Variants in CSF1R observed in about 807,000 individuals in gnomAD.
CSF1R encodes the protein macrophage colony-stimulating factor 1 receptor.
Under a neutral mutation model 110.0 loss-of-function variants are expected in CSF1R, and 40 were observed. The observed-to-expected ratio is 0.36, with a 90% confidence interval of 0.28 to 0.47. The LOEUF (loss-of-function observed/expected upper bound fraction) is 0.47, where lower values mean the gene tolerates loss of function less well. CSF1R is among the 20% of genes least tolerant of loss of function. The probability of loss-of-function intolerance (pLI) is 0.99; values close to 1 mark genes in which losing one functional copy is unlikely to be tolerated. For missense variants in CSF1R, 1,052 were observed against 1,253.0 expected (o/e 0.84, Z 2.42); for synonymous variants, 523 against 503.4 (o/e 1.04, Z -0.52).
chr5:150,072,807 T>C (rs954803063), intron 6 of CSF1R, among the ~76,000 whole-genome samples: 4 of 152,234 alleles, frequency 2.6e-5, no homozygotes, highest in African/African-American at 9.6e-5. Flanking sequence ...TGAGAAATTC[T>C]TGGGGCTGGG....
rs752638971 is a variant in CSF1R, at chr5:150,100,290, C to CT, written c.-181+12970dup. Among the ~76,000 whole-genome samples, 861 of 89,274 alleles carry CT rather than the reference C, an allele frequency of 9.6e-3. 27 individuals carry two copies. The highest frequency in any genetic ancestry group is 0.025 in the African/African-American group (549 of 21,552). The allele number at this position is 89,274 out of a possible 152,430, so 58.6% of individuals were successfully genotyped here. ...AGTGAACCTAAGATCATTGGCTAAC[C>CT]TTTTTTTTTTTTTTTTTTTTTTTCT... is the stretch of plus-strand genomic sequence containing the variant. On this transcript the variant is annotated intron_variant, in intron 1 of 21. Transcript: ENST00000286301.
Position 150,061,783 on chromosome 5 carries a change from C to A in CSF1R, c.1693G>T (p.Asp565Tyr). Residue 565 changes from aspartate to tyrosine, a missense_variant, in exon 11 of 21, where the codon GAC (aspartate) becomes TAC (tyrosine). Physicochemically the swap from Asp to Tyr is radical, Grantham distance 160 (BLOSUM62 -3). Transcript: ENST00000675795. ...SYEGNSYTFI[D>Y]PTQLPYNEKW... is the part of the protein sequence containing the mutation. ...TCGTTGTAAGGCAGCTGCGTGGGGT[C>A]GATGAAAGTATAACTGTTGCCCTCA... 1 of 1,614,152 alleles carries A rather than the reference C, an allele frequency of 6.2e-7. No homozygotes were observed. Among genetic ancestry groups the A allele is most frequent in the Non-Finnish European group, 8.5e-7 (1 of 1,180,046 alleles).
At chr5:150,060,490 C>T (rs888966024) in intron 13 of CSF1R, among the ~76,000 whole-genome samples, 1 of 152,042 alleles carries the variant, frequency 6.6e-6, no homozygotes, top group Admixed American at 6.5e-5. Flanking sequence ...CCCGGGGCAC[C>T]TTTGGGGGCC....
At chr5:150,066,956 G>GCATCCT (rs1247028002) in intron 10 of CSF1R, 2 of 153,090 alleles carry the variant, frequency 1.3e-5, no homozygotes, top group African/African-American at 2.4e-5. Context: ...CTCCCCTGCT[G>GCATCCT]CATCCTCATC....
At chr5:150,070,132 G>A in intron 8 of CSF1R, 50 bp downstream of exon 8, 1 of 1,609,274 alleles carries the variant, frequency 6.2e-7, no homozygotes, top group Non-Finnish European at 8.5e-7. Context: ...CCACTCACAG[G>A]GTGCCCAGCC....
At chr5:150,062,349 A>G (rs1396172927) in intron 10 of CSF1R, among the ~76,000 whole-genome samples, 1 of 146,658 alleles carries the variant, frequency 6.8e-6, no homozygotes, top group Non-Finnish European at 1.5e-5. Context: ...ATTACATTCT[A>G]CCTTGTGCAA....
chr5:150,095,952 TAAG>T (rs1409010759), intron 1 of CSF1R, among the ~76,000 whole-genome samples: 2 of 152,128 alleles, frequency 1.3e-5, no homozygotes. Context: ...AAAATTCTCT[TAAG>T]AAGAAATAGA....
chr5:150,111,464 C>T (rs1238826442), intron 1 of CSF1R, among the ~76,000 whole-genome samples: 1 of 152,204 alleles, frequency 6.6e-6, no homozygotes, highest in East Asian at 1.9e-4. Context: ...AGGCCCAAGC[C>T]CTCCCACAAA....
chr5:150,095,737 GA>G (rs1044038826), intron 1 of CSF1R, among the ~76,000 whole-genome samples: 2 of 114,602 alleles, frequency 1.7e-5, no homozygotes, highest in African/African-American at 6.3e-5. Flanking sequence ...TTTTTCACTG[GA>G]AAAAAAAGTA....
chr5:150,073,302 T>C lies in CSF1R; in HGVS notation c.1081A>G (p.Arg361Gly). 6.2e-7 allele frequency: 1 copy of C among 1,612,954 alleles called. No homozygotes were observed. Among genetic ancestry groups the C allele is most frequent in the Non-Finnish European group, 8.5e-7 (1 of 1,179,344 alleles). The change falls in exon 6 of 21, where the codon AGG becomes GGG. Residue 361 changes from arginine to glycine, a missense_variant and splice_region_variant. By Grantham distance (125) the Arg-to-Gly change is moderately radical. Around this residue, in one of 5 missense-constraint regions of CSF1R, gnomAD observed 693 missense variants for 735.4 expected, o/e 0.94. Coordinates refer to ENST00000675795, the MANE Select transcript of CSF1R (RefSeq NM_001288705.3). ...TAGACGGGAGCTGATAAGTGGTACCTGTATGTGTCCTTGGTGGTAGCATTA... is the reference window on the plus strand; with the variant it reads ...TAGACGGGAGCTGATAAGTGGTACCCGTATGTGTCCTTGGTGGTAGCATTA... ...LANATTKDTY[R>G]HTFTLSLPRL...
chr5:150,108,888 G>C (rs1441114923), intron 1 of CSF1R, among the ~76,000 whole-genome samples: 1 of 152,120 alleles, frequency 6.6e-6, no homozygotes, highest in Non-Finnish European at 1.5e-5. Flanking sequence ...AGCCAGCTGG[G>C]AGGGGGTGGT....
At chr5:150,090,613 C>T (rs1335347212), upstream of CSF1R, among the ~76,000 whole-genome samples, 1 of 152,130 alleles carries the variant, frequency 6.6e-6, no homozygotes, top group African/African-American at 2.4e-5. Context: ...GCTAAAGCCA[C>T]TCTATTGTCC....
chr5:150,056,191 G>T, intron 17 of CSF1R, 28 bp downstream of exon 17: 3 of 1,614,170 alleles, frequency 1.9e-6, no homozygotes, highest in Non-Finnish European at 2.5e-6. Flanking sequence ...CCCCTCCCCA[G>T]CCTGGCCCAA....
intron 1 of CSF1R, among the ~76,000 whole-genome samples, chr5:150,098,712 AAT>A (rs1759301086): frequency 6.6e-6 from 1 of 152,134 alleles, no homozygotes; most frequent in Non-Finnish European, 1.5e-5. Flanking sequence ...TTGAACAAAT[AAT>A]ATATATAAAT....
chr5:150,099,570 G>A (rs145073269), intron 1 of CSF1R, among the ~76,000 whole-genome samples: 2 of 152,300 alleles, frequency 1.3e-5, no homozygotes, highest in Non-Finnish European at 2.9e-5. Context: ...AACTTCTGAT[G>A]TACACAACGA....
Position 150,054,088 on chromosome 5 carries a change from T to G in CSF1R, c.2900A>C (p.Asn967Thr). Residue 967 changes from asparagine to threonine, a missense_variant, in exon 21 of 21, where the codon AAC becomes ACC. Coordinates refer to ENST00000675795, the MANE Select transcript of CSF1R (RefSeq NM_001288705.3). ...AACTCCTCAGCAGAACTGATAGTTG[T>G]TGGGCTGCAGCAAGGGCTGGGCGAT... ...GDIAQPLLQPNNYQFC is the reference protein window; with the variant it reads ...GDIAQPLLQPTNYQFC 1 of 1,614,160 alleles carries G rather than the reference T, an allele frequency of 6.2e-7. No homozygotes were observed. Among genetic ancestry groups the G allele is most frequent in the Non-Finnish European group, 8.5e-7 (1 of 1,180,030 alleles).
intron 5 of CSF1R, 145 bp downstream of exon 5, chr5:150,077,131 C>G: frequency 9.6e-7 from 1 of 1,044,322 alleles, no homozygotes; most frequent in Non-Finnish European, 1.5e-6. Flanking sequence ...GAGAGTGGCT[C>G]CTTAGCCAGG....
chr5:150,077,687 G>A (rs1758331600), intron 4 of CSF1R, among the ~76,000 whole-genome samples: 1 of 152,176 alleles, frequency 6.6e-6, no homozygotes, highest in Non-Finnish European at 1.5e-5. Context: ...GGCTCTTAGA[G>A]GCAGCCCAAC....
intron 4 of CSF1R, 115 bp from the exon 5 acceptor site, chr5:150,077,550 C>T (rs1318654494): frequency 2.6e-6 from 3 of 1,174,980 alleles, no homozygotes; most frequent in Non-Finnish European, 3.7e-6. Flanking sequence ...GAGCCTGTTG[C>T]TTCACTTGTA....
Sources: allele counts gnomAD v4.1 joint callset (sites outside exome capture counted in the v4.1 genomes callset), GRCh38; gene constraint gnomAD v4.1.1; regional missense constraint gnomAD v4.1.1; transcripts MANE v1.5; gene names NCBI Gene and HGNC (gene_info 2026-07-23, HGNC 2026-07-21).